USP8: variants seen among roughly 807,000 people sequenced by gnomAD.
USP8 encodes ubiquitin specific peptidase 8, also known as ubiquitin carboxyl-terminal hydrolase 8.
In USP8, 27 loss-of-function variants were observed where a neutral mutation model predicts 130.0. The ratio of observed to expected loss-of-function variants is 0.21; its 90% CI spans 0.15 to 0.29. The LOEUF (loss-of-function observed/expected upper bound fraction) is 0.29. Among genes scored for constraint, USP8 ranks in the 10% least tolerant of loss-of-function variants. The probability of loss-of-function intolerance (pLI) is 1.00; values close to 1 mark genes in which losing one functional copy is unlikely to be tolerated. For synonymous variants in USP8, 392 were observed against 444.1 expected, an observed-to-expected ratio of 0.88 and a Z score of 1.48; for missense variants, 1,029 against 1,312.2, an observed-to-expected ratio of 0.78 and a Z score of 3.33.
intron 12 of USP8, among the ~76,000 whole-genome samples, chr15:50,488,916 G>A (rs1348902726): frequency 6.6e-6 from 1 of 151,744 alleles, no homozygotes; most frequent in East Asian, 1.9e-4. Context: ...GACGGGGTCT[G>A]TGTTGCCCAG....
chr15:50,468,310 A>T (rs1158836895), intron 7 of USP8, among the ~76,000 whole-genome samples: 1 of 144,856 alleles, frequency 6.9e-6, no homozygotes, highest in East Asian at 2.0e-4. Flanking sequence ...ATCTTGGCTC[A>T]CTGCAACCTC....
At chr15:50,459,322 G>A (rs967899499) in intron 5 of USP8, among the ~76,000 whole-genome samples, 160 bp downstream of exon 5, 12 of 152,104 alleles carry the variant, frequency 7.9e-5, no homozygotes, top group African/African-American at 2.9e-4. Flanking sequence ...GGTGGCTCAC[G>A]CCTGTAATCC....
At chr15:50,495,632 A>G (rs2052367114) in intron 16 of USP8, among the ~76,000 whole-genome samples, 1 of 152,054 alleles carries the variant, frequency 6.6e-6, no homozygotes, top group Admixed American at 6.6e-5. Context: ...AAATTTGGGA[A>G]ATTTCAACAA....
chr15:50,446,006 A>G (rs899766870), intron 3 of USP8, among the ~76,000 whole-genome samples: 1 of 152,186 alleles, frequency 6.6e-6, no homozygotes, highest in African/African-American at 2.4e-5. Flanking sequence ...GGGAAAGAAA[A>G]TGTATTGAAA....
chr15:50,453,409 A>G (rs1172713401), intron 4 of USP8, among the ~76,000 whole-genome samples: 1 of 152,236 alleles, frequency 6.6e-6, no homozygotes, highest in East Asian at 1.9e-4. Context: ...CCCATGGGTC[A>G]TTTAGAAATG....
intron 2 of USP8, among the ~76,000 whole-genome samples, chr15:50,441,002 A>C (rs1392004275): frequency 6.8e-5 from 5 of 73,778 alleles, no homozygotes; most frequent in African/African-American, 1.5e-4. Flanking sequence ...ACCCCATCTC[A>C]AAAAAAAAAA....
intron 12 of USP8, among the ~76,000 whole-genome samples, chr15:50,488,705 T>C (rs1262265576): frequency 2.0e-5 from 3 of 151,640 alleles, no homozygotes; most frequent in Admixed American, 1.3e-4. Context: ...GCTGGAATTA[T>C]AGGTGCATAC....
At chr15:50,442,496 AC>A (rs1449594496) in intron 3 of USP8, among the ~76,000 whole-genome samples, 2 of 147,354 alleles carry the variant, frequency 1.4e-5, no homozygotes, top group African/African-American at 2.4e-5. Context: ...TAATCCCAGC[AC>A]TTTTAGGAGG....
At position 50,500,758 on chromosome 15, in the gene USP8, T is replaced by C. The variant is rs921880233; in HGVS notation, c.*1670T>C. 7.6e-6 allele frequency: 12 copies of C among 1,580,892 alleles called. No individual in the cohort carries two copies. The highest frequency in any genetic ancestry group is 4.0e-5 in the African/African-American group (3 of 74,384). The stretch of plus-strand genomic sequence containing the variant: ...TGGAATCTCACTGACTCGTGTGTTA[T>C]CAAAGCTATATCAGGCCTGGGTGAC... On this transcript the variant is annotated 3_prime_UTR_variant, in exon 20 of 20. Transcript: ENST00000307179.
intron 4 of USP8, among the ~76,000 whole-genome samples, chr15:50,452,502 A>G (rs984862321): frequency 6.6e-6 from 1 of 152,168 alleles, no homozygotes; most frequent in Non-Finnish European, 1.5e-5. Context: ...GAAAAAAGAG[A>G]ATCTTAAAGT....
At chr15:50,447,572 T>C (rs960060716) in intron 3 of USP8, among the ~76,000 whole-genome samples, 12 of 151,036 alleles carry the variant, frequency 7.9e-5, no homozygotes, top group East Asian at 2.0e-4. Context: ...TTTCTTTTTT[T>C]CCCCTCCGAG....
At chr15:50,430,032 A>G (rs537800967) in intron 1 of USP8, among the ~76,000 whole-genome samples, 2 of 152,346 alleles carry the variant, frequency 1.3e-5, no homozygotes, top group Non-Finnish European at 2.9e-5. Context: ...CTAAGTGCCT[A>G]TATCACAGCA....
chr15:50,426,268 C>T (rs1046188242), intron 1 of USP8, among the ~76,000 whole-genome samples: 2 of 152,062 alleles, frequency 1.3e-5, no homozygotes, highest in Admixed American at 1.3e-4. Context: ...AAAATGCACT[C>T]ATATTTATGG....
chr15:50,457,422 G>C (rs2050826103), intron 4 of USP8, among the ~76,000 whole-genome samples: 1 of 151,840 alleles, frequency 6.6e-6, no homozygotes, highest in Admixed American at 6.6e-5. Context: ...GGTGGGTATG[G>C]TGGCACACAC....
chr15:50,450,766 C>T (rs151301352), intron 4 of USP8, among the ~76,000 whole-genome samples: 28 of 152,186 alleles, frequency 1.8e-4, no homozygotes, highest in African/African-American at 6.3e-4. Flanking sequence ...CCACTGTACC[C>T]GGCCATTAGT....
chr15:50,487,181 C>T (rs1436309951), intron 12 of USP8, among the ~76,000 whole-genome samples: 1 of 151,198 alleles, frequency 6.6e-6, no homozygotes, highest in Non-Finnish European at 1.5e-5. Flanking sequence ...CCCCAATAAC[C>T]TATGGAAAAA....
Position 50,457,721 on chromosome 15 carries a change from CATG to C in USP8, c.336-1278_336-1276del, listed in dbSNP as rs1459598204. On this transcript the variant is annotated intron_variant, in intron 4 of 19. Coordinates refer to ENST00000307179, the MANE Select transcript of USP8 (RefSeq NM_005154.5). ...ACTAAAAATACACAAATTAGCCAGG[CATG>C]GTGGTGTGTGCCTCTAGTCCCAGCT... is the stretch of plus-strand genomic sequence containing the variant. Among the ~76,000 whole-genome samples, 3 of 151,190 alleles carry C rather than the reference CATG, an allele frequency of 2.0e-5. No homozygotes were observed. The East Asian group carries it at 5.8e-4, about 29-fold the overall frequency.
At chr15:50,466,008 TTC>T (rs2051176539) in intron 7 of USP8, among the ~76,000 whole-genome samples, 1 of 152,198 alleles carries the variant, frequency 6.6e-6, no homozygotes, top group Non-Finnish European at 1.5e-5. Flanking sequence ...TTAAATTTTT[TTC>T]TTTCTTTTTT....
chr15:50,490,755 T>C (rs981143155), intron 14 of USP8, among the ~76,000 whole-genome samples: 1 of 152,164 alleles, frequency 6.6e-6, no homozygotes, highest in African/African-American at 2.4e-5. Flanking sequence ...TAAGTGTTAA[T>C]GTAGATATAA....
Sources: gnomAD v4.1 joint callset for allele counts (sites outside exome capture counted in the v4.1 genomes callset) on GRCh38, gnomAD v4.1.1 for gene constraint, MANE v1.5 for transcripts, NCBI Gene and HGNC (gene_info 2026-07-23, HGNC 2026-07-21) for gene names.